Variants in CDC25A observed in about 807,000 individuals in gnomAD.
The protein encoded by CDC25A is cell division cycle 25A.
A neutral mutation model predicts 64.6 loss-of-function variants in CDC25A; 17 were observed. The observed-to-expected ratio is 0.26, with a 90% CI of 0.18 to 0.39. CDC25A has a LOEUF of 0.39. Ranked by LOEUF, CDC25A falls within the 10% of genes least tolerant of loss-of-function variation. The probability of loss-of-function intolerance (pLI) is 1.00; values close to 1 mark genes in which losing one functional copy is unlikely to be tolerated. For missense variants in CDC25A, 473 were observed against 654.8 expected, an observed-to-expected ratio of 0.72 and a Z score of 3.03; for synonymous variants, 229 against 238.6, an observed-to-expected ratio of 0.96 and a Z score of 0.37.
chr3:48,186,855 A>T, intron 1 of CDC25A, 76 bp from the exon 2 acceptor site: 1 of 985,578 alleles, frequency 1.0e-6, no homozygotes, highest in Non-Finnish European at 1.6e-6. Context: ...ATAGGCCATG[A>T]GATTAAGAAG....
At position 48,158,738 on chromosome 3, in the gene CDC25A, C is replaced by A. The variant is rs3731560; in HGVS notation, c.*207G>T. The A allele has an allele frequency of 1.9e-5, 11 of 586,030 alleles. No individual in the cohort carries two copies. The highest frequency in any genetic ancestry group is 1.4e-4 in the East Asian group (5 of 34,694). 36.3% of individuals were successfully genotyped at this position (586,030 alleles called of 1,614,324 possible). A position where few individuals can be genotyped will look rare whatever the true frequency, so the allele number is the denominator to read the frequency against. On this transcript the variant is annotated 3_prime_UTR_variant, in exon 15 of 15. Coordinates refer to ENST00000302506, the MANE Select transcript of CDC25A (RefSeq NM_001789.3). ...GCACAGTTCTGATATGGACGGAGGA[C>A]GTCTAACAGGGACAGAAGAGGCGTA... is the stretch of plus-strand genomic sequence containing the variant.
intron 13 of CDC25A, among the ~76,000 whole-genome samples, chr3:48,163,378 G>C (rs2031869105): frequency 6.6e-6 from 1 of 152,048 alleles, no homozygotes. Flanking sequence ...GCTGAGGCAG[G>C]CGGATCACCT....
At chr3:48,177,279 C>A in intron 8 of CDC25A, 92 bp downstream of exon 8, 3 of 955,706 alleles carry the variant, frequency 3.1e-6, no homozygotes, top group Non-Finnish European at 5.0e-6. Flanking sequence ...TCCTATCATG[C>A]ATTTCAATCT....
At chr3:48,160,515 A>G (rs930762655) in intron 13 of CDC25A, among the ~76,000 whole-genome samples, 3 of 147,600 alleles carry the variant, frequency 2.0e-5, no homozygotes, top group African/African-American at 5.1e-5. Context: ...GGTTCAAGGG[A>G]TGCTCCTGCC....
At chr3:48,183,308 A>G (rs1417451342) in intron 4 of CDC25A, among the ~76,000 whole-genome samples, 1 of 152,142 alleles carries the variant, frequency 6.6e-6, no homozygotes, top group Admixed American at 6.5e-5. Context: ...TCCCCAAATA[A>G]CATTTGCATC....
At chr3:48,176,432 C>T (rs1188703042) in intron 8 of CDC25A, among the ~76,000 whole-genome samples, 1 of 150,576 alleles carries the variant, frequency 6.6e-6, no homozygotes, top group Non-Finnish European at 1.5e-5. Flanking sequence ...TATATATACA[C>T]ACATACACTA....
intron 10 of CDC25A, 79 bp downstream of exon 10, chr3:48,167,767 G>A (rs1165923172): frequency 1.2e-6 from 1 of 800,590 alleles, no homozygotes; most frequent in Admixed American, 1.8e-5. Context: ...ACCACCCTGG[G>A]GAGGGAGACA....
chr3:48,176,027 G>C (rs1247898738), intron 8 of CDC25A, among the ~76,000 whole-genome samples: 1 of 152,142 alleles, frequency 6.6e-6, no homozygotes, highest in Non-Finnish European at 1.5e-5. Context: ...AATTAGCCGG[G>C]AGTGGTGGCG....
In CDC25A at chr3:48,174,434, G is replaced by A; in HGVS notation, c.780C>T (p.Asp260=). Residue 260 remains aspartate, a synonymous_variant, in exon 9 of 15, where the codon GAC becomes GAT. Transcript: ENST00000302506. ...TNLDNRCKLF[D]SPSLCSSSTR... Reference sequence around the variant, plus strand: ...TGCTGGAGCTACACAGGGAAGGGGAGTCAAACAGCTTGCATCGGTTGTCCT... The same window carrying A: ...TGCTGGAGCTACACAGGGAAGGGGAATCAAACAGCTTGCATCGGTTGTCCT... 6.2e-7 allele frequency: 1 copy of A among 1,610,958 alleles called. No homozygotes were observed.
intron 5 of CDC25A, among the ~76,000 whole-genome samples, chr3:48,181,913 C>A (rs543037186): frequency 1.3e-5 from 2 of 152,208 alleles, no homozygotes; most frequent in Admixed American, 1.3e-4. Flanking sequence ...CCCGATTTTA[C>A]AGGTGAGAAA....
At chr3:48,168,881 G>A (rs549313017) in intron 9 of CDC25A, among the ~76,000 whole-genome samples, 6 of 152,008 alleles carry the variant, frequency 3.9e-5, no homozygotes, top group African/African-American at 1.4e-4. Flanking sequence ...TGAACTCCTG[G>A]CCTCAGGTGA....
chr3:48,174,486 T>C (rs1267492983), intron 8 of CDC25A, 29 bp from the exon 9 acceptor site: 1 of 1,592,244 alleles, frequency 6.3e-7, no homozygotes, highest in South Asian at 1.1e-5. Context: ...GACAGACCCA[T>C]CTTTCATTAA....
intron 9 of CDC25A, among the ~76,000 whole-genome samples, chr3:48,169,987 C>T (rs1179334878): frequency 6.6e-6 from 1 of 150,972 alleles, no homozygotes; most frequent in African/African-American, 2.4e-5. Context: ...CCAGTCTGGG[C>T]GACAGAGCGA....
At chr3:48,178,755 C>T (rs2032557417) in intron 6 of CDC25A, among the ~76,000 whole-genome samples, 1 of 152,130 alleles carries the variant, frequency 6.6e-6, no homozygotes, top group Admixed American at 6.5e-5. Context: ...CCTCATTAGC[C>T]AACCTATAGT....
intron 2 of CDC25A, among the ~76,000 whole-genome samples, chr3:48,185,369 T>C (rs1345242779): frequency 1.3e-5 from 2 of 150,766 alleles, no homozygotes; most frequent in African/African-American, 2.4e-5. Context: ...TGAACCCTGA[T>C]TGTGCCACTG....
intron 2 of CDC25A, among the ~76,000 whole-genome samples, chr3:48,185,845 G>A (rs2032825997): frequency 1.3e-5 from 2 of 152,158 alleles, no homozygotes; most frequent in Non-Finnish European, 2.9e-5. Flanking sequence ...TACAGCCCTT[G>A]CTCACCACAC....
At chr3:48,177,248 C>T (rs1206760597) in intron 8 of CDC25A, 123 bp downstream of exon 8, 1 of 730,388 alleles carries the variant, frequency 1.4e-6, no homozygotes. Context: ...CAAAGTGAGG[C>T]CTAAAACCCA....
rs2032519604 is a variant in CDC25A at position 48,177,839 on chromosome 3, AC to A, written c.684+14del. ...TAGTAGAACAAATAGGAACACACACACACACACACGGTACCTTCAGATTCTC... is the reference window on the plus strand; with the variant it reads ...TAGTAGAACAAATAGGAACACACACAACACACACGGTACCTTCAGATTCTC... On this transcript the variant is annotated intron_variant, in intron 7 of 14. Coordinates refer to ENST00000302506, the MANE Select transcript of CDC25A (RefSeq NM_001789.3). 16 of 1,613,768 alleles carry A rather than the reference AC, an allele frequency of 9.9e-6. No homozygotes were observed. Among genetic ancestry groups the A allele is most frequent in the African/African-American group, 1.3e-5 (1 of 74,892 alleles).
At chr3:48,164,043 G>A (rs964295630) in intron 13 of CDC25A, among the ~76,000 whole-genome samples, 1 of 152,110 alleles carries the variant, frequency 6.6e-6, no homozygotes, top group Non-Finnish European at 1.5e-5. Flanking sequence ...ACACTTTTCT[G>A]GCATTTGCAT....
Sources: allele counts gnomAD v4.1 joint callset (sites outside exome capture counted in the v4.1 genomes callset), GRCh38; gene constraint gnomAD v4.1.1; transcripts MANE v1.5; gene names NCBI Gene and HGNC (gene_info 2026-07-23, HGNC 2026-07-21).